Variants in EPHA6 observed in about 807,000 individuals in gnomAD.
EPHA6 encodes ephrin type-A receptor 6.
Under a neutral mutation model 112.0 loss-of-function variants are expected in EPHA6, and 50 were observed. The observed-to-expected ratio is 0.45, with a 90% CI of 0.36 to 0.56. The LOEUF (loss-of-function observed/expected upper bound fraction) is 0.56. EPHA6 is among the 20% of genes least tolerant of loss of function. EPHA6 has a pLI of 0.00. For missense variants in EPHA6, 1,280 were observed against 1,417.4 expected, an observed-to-expected ratio of 0.90 and a Z score of 1.56; for synonymous variants, 529 against 490.7, an observed-to-expected ratio of 1.08 and a Z score of -1.03.
At chr3:97,182,387 C>T (rs1044872760) in intron 3 of EPHA6, among the ~76,000 whole-genome samples, 1 of 150,156 alleles carries the variant, frequency 6.7e-6, no homozygotes, top group Non-Finnish European at 1.5e-5. Context: ...TATTATTATA[C>T]TAATACACTT....
At chr3:97,594,465 G>C (rs1206208821) in intron 12 of EPHA6, among the ~76,000 whole-genome samples, 1 of 152,154 alleles carries the variant, frequency 6.6e-6, no homozygotes, top group Non-Finnish European at 1.5e-5. Context: ...CTTAAAAAAT[G>C]TATAGATCTA....
chr3:97,545,266 C>CT (rs1463191425), intron 11 of EPHA6, among the ~76,000 whole-genome samples: 7 of 151,962 alleles, frequency 4.6e-5, no homozygotes, highest in Non-Finnish European at 1.0e-4. Context: ...TATGTTGTGT[C>CT]TTTGTTCTCG....
At chr3:97,535,311 A>G (rs994445342) in intron 11 of EPHA6, among the ~76,000 whole-genome samples, 1 of 151,882 alleles carries the variant, frequency 6.6e-6, no homozygotes, top group African/African-American at 2.4e-5. Context: ...TCCACTTCTT[A>G]AAAAAAAGAA....
chr3:96,904,043 G>A (rs2038774371), intron 2 of EPHA6, among the ~76,000 whole-genome samples: 1 of 152,142 alleles, frequency 6.6e-6, no homozygotes, highest in South Asian at 2.1e-4. Flanking sequence ...GTGGAAGTCA[G>A]TGTGGCGATT....
At chr3:96,860,572 G>T (rs1253680098) in intron 1 of EPHA6, among the ~76,000 whole-genome samples, 1 of 151,996 alleles carries the variant, frequency 6.6e-6, no homozygotes, top group Non-Finnish European at 1.5e-5. Context: ...AATGTCCAAA[G>T]CCCATAAAAG....
chr3:97,489,665 G>A (rs551304072), intron 10 of EPHA6, among the ~76,000 whole-genome samples: 149 of 146,080 alleles, frequency 1.0e-3, no homozygotes, highest in Admixed American at 4.8e-3. Context: ...CAGCCTGGGC[G>A]AAAAAGCGAG....
chr3:97,579,589 G>C (rs1260165674), intron 11 of EPHA6, among the ~76,000 whole-genome samples: 2 of 152,058 alleles, frequency 1.3e-5, no homozygotes, highest in Non-Finnish European at 2.9e-5. Flanking sequence ...GATGTCATAG[G>C]GTGATTCATA....
intron 3 of EPHA6, among the ~76,000 whole-genome samples, chr3:97,191,628 A>T (rs2077308734): frequency 6.6e-6 from 1 of 152,008 alleles, no homozygotes; most frequent in East Asian, 1.9e-4. Flanking sequence ...AGTTCCATCT[A>T]TGTTGTTGCA....
intron 5 of EPHA6, among the ~76,000 whole-genome samples, chr3:97,357,127 A>G (rs530352212): frequency 2.6e-5 from 4 of 152,288 alleles, no homozygotes; most frequent in African/African-American, 9.6e-5. Flanking sequence ...GTTGCATGGA[A>G]TATCTTTTTC....
chr3:96,884,986 C>A (rs542344318), intron 2 of EPHA6, among the ~76,000 whole-genome samples: 1 of 151,950 alleles, frequency 6.6e-6, no homozygotes, highest in Admixed American at 6.6e-5. Flanking sequence ...AATGATCATG[C>A]GATTTTTGTT....
At chr3:96,977,693 T>G (rs1214979596) in intron 2 of EPHA6, among the ~76,000 whole-genome samples, 3 of 151,766 alleles carry the variant, frequency 2.0e-5, no homozygotes, top group African/African-American at 7.3e-5. Flanking sequence ...GACCTCTGTG[T>G]TATTGAAAAT....
At chr3:96,991,574 G>T (rs2043217936) in intron 3 of EPHA6, among the ~76,000 whole-genome samples, 1 of 152,114 alleles carries the variant, frequency 6.6e-6, no homozygotes, top group Non-Finnish European at 1.5e-5. Flanking sequence ...ATACCTGAAA[G>T]TTTATTTATA....
At chr3:96,928,276 A>G (rs2040142373) in intron 2 of EPHA6, among the ~76,000 whole-genome samples, 1 of 152,082 alleles carries the variant, frequency 6.6e-6, no homozygotes, top group Non-Finnish European at 1.5e-5. Context: ...CTATAAATTT[A>G]CCTCTTAACA....
rs562393943 is a variant in EPHA6, at chr3:97,299,061, A to AT, written c.1606+54780dup. ...ACACTGCCAGTTGATGATCTTATAA[A>AT]TTTTTTCTCAATGTTTACAAAATAG... On this transcript the variant is annotated intron_variant, in intron 5 of 17. Coordinates refer to ENST00000389672, the MANE Select transcript of EPHA6 (RefSeq NM_001080448.3). 2.6e-3 allele frequency among the ~76,000 whole-genome samples: 395 copies of AT among 152,172 alleles called. 1 individual carries two copies. The highest frequency in any genetic ancestry group is 4.6e-3 in the Non-Finnish European group (311 of 67,984).
At chr3:97,548,995 G>T (rs1301585144) in intron 11 of EPHA6, among the ~76,000 whole-genome samples, 2 of 152,164 alleles carry the variant, frequency 1.3e-5, no homozygotes, top group African/African-American at 4.8e-5. Context: ...TCACTTGTGG[G>T]TGATGATGCT....
At chr3:97,445,854 G>A (rs2090325972) in intron 6 of EPHA6, among the ~76,000 whole-genome samples, 2 of 152,046 alleles carry the variant, frequency 1.3e-5, no homozygotes, top group Admixed American at 6.6e-5. Flanking sequence ...AGAACTTTAT[G>A]AACAATGGAA....
At chr3:96,982,182 G>C (rs1370889588) in intron 2 of EPHA6, among the ~76,000 whole-genome samples, 2 of 152,122 alleles carry the variant, frequency 1.3e-5, no homozygotes, top group Non-Finnish European at 2.9e-5. Flanking sequence ...GCTTTCTCTT[G>C]TGGGTATTTA....
intron 5 of EPHA6, among the ~76,000 whole-genome samples, chr3:97,332,514 G>A (rs191010367): frequency 8.6e-4 from 131 of 152,168 alleles, no homozygotes; most frequent in Non-Finnish European, 1.5e-3. Context: ...AAACCCCATC[G>A]TCTCAGCCCA....
chr3:97,730,402 T>C (rs1019902707), intron 15 of EPHA6, among the ~76,000 whole-genome samples: 1 of 152,140 alleles, frequency 6.6e-6, no homozygotes, highest in Non-Finnish European at 1.5e-5. Context: ...ATGTAATTCC[T>C]TCTAACTTTT....
Sources: allele counts gnomAD v4.1 joint callset (sites outside exome capture counted in the v4.1 genomes callset), GRCh38; gene constraint gnomAD v4.1.1; transcripts MANE v1.5; gene names NCBI Gene and HGNC (gene_info 2026-07-23, HGNC 2026-07-21).